RBPJ: variants seen among roughly 807,000 people sequenced by gnomAD.
RBPJ encodes recombining binding protein suppressor of hairless.
Under a neutral mutation model 67.8 loss-of-function variants are expected in RBPJ, and 9 were observed. That is an observed-to-expected ratio of 0.13 (90% confidence interval 0.08 to 0.23). RBPJ has a LOEUF of 0.23. Among genes scored for constraint, RBPJ ranks in the 10% least tolerant of loss-of-function variants. The pLI, the probability that RBPJ is intolerant of heterozygous loss-of-function variation, is 1.00. For missense variants in RBPJ, 305 were observed against 595.6 expected (o/e 0.51, Z 5.08); for synonymous variants, 198 against 203.3 (o/e 0.97, Z 0.22).
chr4:26,294,805 G>A (rs1173358295), intron 1 of RBPJ, among the ~76,000 whole-genome samples: 1 of 151,912 alleles, frequency 6.6e-6, no homozygotes, highest in Non-Finnish European at 1.5e-5. Context: ...TCACCTGGGA[G>A]GTGAAGGTTG....
intron 1 of RBPJ, among the ~76,000 whole-genome samples, chr4:26,181,335 A>T (rs972131208): frequency 2.6e-5 from 4 of 152,162 alleles, no homozygotes; most frequent in Non-Finnish European, 5.9e-5. Context: ...TTAATCTCTG[A>T]TTTACATCTT....
intron 1 of RBPJ, among the ~76,000 whole-genome samples, chr4:26,295,296 G>A (rs1403917017): frequency 6.6e-6 from 1 of 151,986 alleles, no homozygotes; most frequent in Admixed American, 6.6e-5. Context: ...ATGGGTGTGT[G>A]TGGGTCTTCC....
chr4:26,245,994 G>GT, intron 1 of RBPJ, among the ~76,000 whole-genome samples: 1 of 152,278 alleles, frequency 6.6e-6, no homozygotes, highest in East Asian at 1.9e-4. Context: ...AAATGGGAAA[G>GT]GGTAAGTCTC....
At chr4:26,175,537 GTGT>G (rs1716766806) in intron 1 of RBPJ, among the ~76,000 whole-genome samples, 1 of 152,202 alleles carries the variant, frequency 6.6e-6, no homozygotes, top group African/African-American at 2.4e-5. Flanking sequence ...TACCCCTTTT[GTGT>G]AAAAATCACC....
chr4:26,351,447 C>T (rs1337081840), intron 1 of RBPJ, among the ~76,000 whole-genome samples: 3 of 152,192 alleles, frequency 2.0e-5, no homozygotes, highest in African/African-American at 7.2e-5. Flanking sequence ...GTCGCCCAGG[C>T]TCAGCTCACG....
At chr4:26,397,550 C>T (rs1316770373) in intron 2 of RBPJ, among the ~76,000 whole-genome samples, 5 of 152,160 alleles carry the variant, frequency 3.3e-5, no homozygotes, top group Admixed American at 3.3e-4. Context: ...TTTTCTGTAG[C>T]GTCAAGTAGT....
intron 1 of RBPJ, among the ~76,000 whole-genome samples, chr4:26,203,842 T>C (rs1321073088): frequency 9.2e-5 from 14 of 152,208 alleles, no homozygotes. Flanking sequence ...CGGACCAGAA[T>C]TTATTGTGCC....
chr4:26,386,172 G>A (rs1730895901), intron 1 of RBPJ, among the ~76,000 whole-genome samples, 181 bp from the exon 2 acceptor site: 2 of 152,080 alleles, frequency 1.3e-5, no homozygotes, highest in South Asian at 4.1e-4. Context: ...TTGTTTGCAT[G>A]TTTAAATGTG....
At chr4:26,325,397 A>G (rs1723516728) in intron 1 of RBPJ, among the ~76,000 whole-genome samples, 1 of 152,196 alleles carries the variant, frequency 6.6e-6, no homozygotes, top group Non-Finnish European at 1.5e-5. Flanking sequence ...TCCCCCTAGC[A>G]GCGTTCATTA....
chr4:26,370,689 G>C (rs982408866), intron 1 of RBPJ, among the ~76,000 whole-genome samples: 1 of 152,134 alleles, frequency 6.6e-6, no homozygotes, highest in Non-Finnish European at 1.5e-5. Context: ...CTATAGTGTT[G>C]TATCTTTGTA....
intron 1 of RBPJ, among the ~76,000 whole-genome samples, chr4:26,192,985 G>T (rs142887747): frequency 2.0e-5 from 3 of 152,146 alleles, no homozygotes; most frequent in African/African-American, 7.2e-5. Context: ...CAGAGAAGGG[G>T]ATATGATGAC....
chr4:26,184,090 G>A (rs1239956047), intron 1 of RBPJ, among the ~76,000 whole-genome samples: 1 of 151,526 alleles, frequency 6.6e-6, no homozygotes, highest in Non-Finnish European at 1.5e-5. Flanking sequence ...GCTGAGGCAG[G>A]AGAATCGCTT....
intron 1 of RBPJ, among the ~76,000 whole-genome samples, chr4:26,375,674 T>C (rs181867152): frequency 9.2e-4 from 140 of 152,346 alleles, no homozygotes; most frequent in Middle Eastern, 6.8e-3. Flanking sequence ...ACGTCTTCTA[T>C]GTACAAGCCA....
intron 1 of RBPJ, among the ~76,000 whole-genome samples, chr4:26,207,363 G>T (rs932178777): frequency 9.9e-5 from 15 of 151,738 alleles, no homozygotes; most frequent in Admixed American, 9.9e-4. Context: ...AAAAAATAGG[G>T]TTAACAGAGG....
chr4:26,404,845 C>T (rs2109737774), intron 2 of RBPJ, among the ~76,000 whole-genome samples: 1 of 152,326 alleles, frequency 6.6e-6, no homozygotes, highest in South Asian at 2.1e-4. Flanking sequence ...CCTGTGTCTA[C>T]TTCTCGCTCA....
intron 1 of RBPJ, chr4:26,272,571 T>G: frequency 5.0e-6 from 2 of 398,266 alleles, no homozygotes; most frequent in Non-Finnish European, 9.8e-6. Flanking sequence ...ACCCTGTCTA[T>G]CTCTACAATA....
At chr4:26,171,066 C>A (rs552715179) in intron 1 of RBPJ, among the ~76,000 whole-genome samples, 1 of 152,094 alleles carries the variant, frequency 6.6e-6, no homozygotes, top group Non-Finnish European at 1.5e-5. Context: ...GACTTGGAGT[C>A]GAAGGACCTG....
intron 1 of RBPJ, among the ~76,000 whole-genome samples, chr4:26,235,172 ACT>A (rs1181062649): frequency 6.6e-6 from 1 of 152,250 alleles, no homozygotes; most frequent in East Asian, 1.9e-4. Context: ...ATGTCAGACT[ACT>A]TATTAGTGCT....
At chr4:26,238,443 C>A (rs754571384) in intron 1 of RBPJ, among the ~76,000 whole-genome samples, 1 of 152,162 alleles carries the variant, frequency 6.6e-6, no homozygotes, top group Admixed American at 6.6e-5. Flanking sequence ...TATCTCATAG[C>A]TTCTATGCAG....
Sources: gnomAD v4.1 joint callset for allele counts (sites outside exome capture counted in the v4.1 genomes callset) on GRCh38, gnomAD v4.1.1 for gene constraint, MANE v1.5 for transcripts, NCBI Gene and HGNC (gene_info 2026-07-23, HGNC 2026-07-21) for gene names.